RSRC1: variants seen among roughly 807,000 people sequenced by gnomAD.
RSRC1 encodes the protein arginine and serine rich coiled-coil 1.
A neutral mutation model predicts 49.1 loss-of-function variants in RSRC1; 39 were observed. The ratio of observed to expected loss-of-function variants is 0.79; its 90% CI spans 0.61 to 1.04. RSRC1 has a LOEUF of 1.04. Ranked by LOEUF, RSRC1 falls within the 50% of genes least tolerant of loss-of-function variation. RSRC1 has a pLI of 0.00. For missense variants in RSRC1, 388 were observed against 402.4 expected, an observed-to-expected ratio of 0.96 and a Z score of 0.31; for synonymous variants, 143 against 130.8, an observed-to-expected ratio of 1.09 and a Z score of -0.63.
chr3:158,473,587 C>T (rs1205929716), intron 7 of RSRC1, among the ~76,000 whole-genome samples: 1 of 151,870 alleles, frequency 6.6e-6, no homozygotes, highest in Non-Finnish European at 1.5e-5. Flanking sequence ...GGGTGCAGCA[C>T]ACCAACATGG....
intron 7 of RSRC1, among the ~76,000 whole-genome samples, chr3:158,510,317 T>G (rs1338619027): frequency 6.6e-6 from 1 of 152,228 alleles, no homozygotes; most frequent in Non-Finnish European, 1.5e-5. Context: ...TACTAGTTCT[T>G]TGTAAATTAA....
chr3:158,161,651 A>G (rs942967712), intron 3 of RSRC1, among the ~76,000 whole-genome samples: 23 of 152,132 alleles, frequency 1.5e-4, no homozygotes, highest in African/African-American at 4.8e-4. Flanking sequence ...AATCCCAGGT[A>G]CTTGGGAGGC....
chr3:158,209,294 G>T (rs1721525968), intron 4 of RSRC1, among the ~76,000 whole-genome samples: 1 of 152,020 alleles, frequency 6.6e-6, no homozygotes, highest in African/African-American at 2.4e-5. Context: ...ATGGGAGTAG[G>T]TTTCTTATAA....
chr3:158,314,925 A>G (rs538090818), intron 5 of RSRC1, among the ~76,000 whole-genome samples: 1 of 152,102 alleles, frequency 6.6e-6, no homozygotes, highest in South Asian at 2.1e-4. Context: ...CCAGCTATAG[A>G]GGAGGCTGAG....
At chr3:158,480,586 C>G (rs1738569996) in intron 7 of RSRC1, among the ~76,000 whole-genome samples, 1 of 152,008 alleles carries the variant, frequency 6.6e-6, no homozygotes, top group Non-Finnish European at 1.5e-5. Flanking sequence ...ATATCAGTAA[C>G]TGACATTTGG....
chr3:158,290,203 G>A (rs1220697214), intron 4 of RSRC1, among the ~76,000 whole-genome samples: 1 of 152,090 alleles, frequency 6.6e-6, no homozygotes, highest in African/African-American at 2.4e-5. Context: ...AGAAAAATTT[G>A]AGAAATATAT....
intron 5 of RSRC1, among the ~76,000 whole-genome samples, chr3:158,319,245 CGTGA>C (rs1223186669): frequency 1.3e-5 from 2 of 152,058 alleles, no homozygotes; most frequent in African/African-American, 4.8e-5. Flanking sequence ...TGGTGATAAT[CGTGA>C]GTGAGTTATC....
chr3:158,543,247 A>T lies in RSRC1; in HGVS notation c.760-88A>T, dbSNP rs545999290. ...GTATCATCTCAAAGGAGACTAATTGAACAGTTGTTATTCAAAATCAGAAAT... is the reference window on the plus strand; with the variant it reads ...GTATCATCTCAAAGGAGACTAATTGTACAGTTGTTATTCAAAATCAGAAAT... On this transcript the variant is annotated intron_variant, in intron 8 of 9. Transcript: ENST00000611884. 6 of 1,205,600 alleles carry T rather than the reference A, an allele frequency of 5.0e-6. No individual in the cohort carries two copies. In the East Asian group the frequency reaches 1.8e-4, roughly 35 times the overall value. The allele number at this position is 1,205,600 out of a possible 1,614,324, so 74.7% of individuals were successfully genotyped here.
intron 5 of RSRC1, among the ~76,000 whole-genome samples, chr3:158,323,266 T>C (rs538754094): frequency 3.3e-5 from 5 of 152,290 alleles, no homozygotes; most frequent in African/African-American, 1.2e-4. Context: ...TTTATTGATA[T>C]TGTCTGCTTT....
intron 7 of RSRC1, among the ~76,000 whole-genome samples, chr3:158,495,549 G>T (rs2108452533): frequency 6.6e-6 from 1 of 152,288 alleles, no homozygotes; most frequent in Non-Finnish European, 1.5e-5. Flanking sequence ...GCCTCCCAAA[G>T]TGCTGGGATT....
chr3:158,121,426 T>TAG (rs1040114753), intron 1 of RSRC1, among the ~76,000 whole-genome samples: 2 of 152,138 alleles, frequency 1.3e-5, no homozygotes, highest in African/African-American at 4.8e-5. Context: ...TACCACCTTA[T>TAG]AGAGATACTA....
rs75183062 is a variant in RSRC1, at chr3:158,486,283, G to A, written c.652+25280G>A. ...GCAGCATTGACCTCTTACAGTTAAT[G>A]GTTGTTCAAAGGGAGAGGTCATTAT... is the stretch of plus-strand genomic sequence containing the variant. On this transcript the variant is annotated intron_variant, in intron 7 of 9. Coordinates refer to ENST00000611884, the MANE Select transcript of RSRC1 (RefSeq NM_001271838.2). Among the ~76,000 whole-genome samples, 810 of 152,226 alleles carry A rather than the reference G, an allele frequency of 5.3e-3. 13 individuals are homozygous for A. Among genetic ancestry groups the A allele is most frequent in the South Asian group, 0.04 (193 of 4,820 alleles).
intron 1 of RSRC1, among the ~76,000 whole-genome samples, chr3:158,115,131 G>A (rs1295557246): frequency 1.3e-5 from 2 of 152,056 alleles, no homozygotes; most frequent in East Asian, 3.9e-4. Context: ...ATTGGCTGTG[G>A]GTTTGTTGTA....
chr3:158,279,515 C>T (rs1049775179), intron 4 of RSRC1, among the ~76,000 whole-genome samples: 3 of 152,224 alleles, frequency 2.0e-5, no homozygotes, highest in Admixed American at 1.3e-4. Context: ...CTGATTTGTA[C>T]TTTCGGCTCA....
intron 1 of RSRC1, among the ~76,000 whole-genome samples, chr3:158,117,820 G>A (rs981710148): frequency 6.6e-6 from 1 of 151,918 alleles, no homozygotes; most frequent in Non-Finnish European, 1.5e-5. Context: ...TATAGAATGC[G>A]TATCTGGTGC....
chr3:158,118,810 A>C (rs541770900), intron 1 of RSRC1, among the ~76,000 whole-genome samples: 15 of 152,296 alleles, frequency 9.8e-5, no homozygotes, highest in African/African-American at 3.6e-4. Flanking sequence ...GTCAACTAGT[A>C]GGCTTCATTA....
chr3:158,508,899 A>G (rs375567511), intron 7 of RSRC1, among the ~76,000 whole-genome samples: 1 of 151,982 alleles, frequency 6.6e-6, no homozygotes, highest in African/African-American at 2.4e-5. Flanking sequence ...GGCTCAAGCA[A>G]TCCTCCCACC....
chr3:158,490,846 A>C (rs1234857570), intron 7 of RSRC1, among the ~76,000 whole-genome samples: 1 of 152,162 alleles, frequency 6.6e-6, no homozygotes, highest in Non-Finnish European at 1.5e-5. Flanking sequence ...TGAGATTGGG[A>C]AGATTGTGCA....
chr3:158,299,303 T>C (rs931413406), intron 5 of RSRC1, among the ~76,000 whole-genome samples: 1 of 151,740 alleles, frequency 6.6e-6, no homozygotes, highest in Non-Finnish European at 1.5e-5. Context: ...CAATATGAGG[T>C]GTCTTTTATT....
Sources: allele counts gnomAD v4.1 joint callset (sites outside exome capture counted in the v4.1 genomes callset), GRCh38; gene constraint gnomAD v4.1.1; transcripts MANE v1.5; gene names NCBI Gene and HGNC (gene_info 2026-07-23, HGNC 2026-07-21).